Variants in ARRDC5 observed in about 807,000 individuals in gnomAD.
The protein encoded by ARRDC5 is arrestin domain containing 5.
In ARRDC5, 12 loss-of-function variants were observed where a neutral mutation model predicts 13.3. That is an observed-to-expected ratio of 0.90 (90% CI 0.58 to 1.46). The LOEUF (loss-of-function observed/expected upper bound fraction) is 1.46. Ranked by LOEUF, ARRDC5 falls within the 40% of genes most tolerant of loss-of-function variation. The probability of loss-of-function intolerance (pLI) is 0.00; values close to 1 mark genes in which losing one functional copy is unlikely to be tolerated. For synonymous variants in ARRDC5, 181 were observed against 173.4 expected (o/e 1.04, Z -0.34); for missense variants, 406 against 418.7 (o/e 0.97, Z 0.26).
intron 2 of ARRDC5, among the ~76,000 whole-genome samples, chr19:4,893,291 A>C (rs1469802735): frequency 7.1e-6 from 1 of 140,952 alleles, no homozygotes; most frequent in Non-Finnish European, 1.5e-5. Context: ...GGATCACCTG[A>C]GGTCAGGAAT....
chr19:4,901,038 G>C (rs1249681271), intron 1 of ARRDC5, among the ~76,000 whole-genome samples: 1 of 151,230 alleles, frequency 6.6e-6, no homozygotes, highest in Non-Finnish European at 1.5e-5. Flanking sequence ...AAAATTGCTA[G>C]TTCTTTTTTT....
chr19:4,893,662 G>C (rs12980909), intron 2 of ARRDC5, among the ~76,000 whole-genome samples: 41,631 of 147,284 alleles, frequency 0.28, 6,664 homozygotes, highest in Middle Eastern at 0.46. Context: ...GAGGCCAAGG[G>C]GGGAGGATCA....
rs200737679 is a variant in ARRDC5 at position 4,895,520 on chromosome 19, A to G, written c.459+1151T>C. Among the ~76,000 whole-genome samples, 8 of 151,924 alleles carry G rather than the reference A, an allele frequency of 5.3e-5. No homozygotes were observed. The East Asian group carries it at 1.5e-3, about 29-fold the overall frequency. On this transcript the variant is annotated intron_variant, in intron 2 of 2. Coordinates refer to ENST00000650722, the MANE Select transcript of ARRDC5 (RefSeq NM_001080523.3). ...TCCTGTCCCAATGCTCTGATGACAA[A>G]TGACTCCCTGGAGATGTGAAGTGAC...
chr19:4,912,412 G>A, the ARRDC5 span, among the ~76,000 whole-genome samples: 5 of 152,154 alleles, frequency 3.3e-5, no homozygotes, highest in African/African-American at 7.2e-5. Flanking sequence ...AGTTCACAGC[G>A]TAGGTCAGTG....
chr19:4,900,242 G>A (rs1281945800), intron 1 of ARRDC5, among the ~76,000 whole-genome samples: 1 of 150,012 alleles, frequency 6.7e-6, no homozygotes, highest in Non-Finnish European at 1.5e-5. Context: ...CCGCCTCCCG[G>A]GTTCACGCCA....
chr19:4,916,183 G>C, the ARRDC5 span, among the ~76,000 whole-genome samples: 1 of 152,070 alleles, frequency 6.6e-6, no homozygotes, highest in Admixed American at 6.6e-5. Context: ...GCGCATGCCT[G>C]TAGTCCTAGC....
chr19:4,909,553 G>A, the ARRDC5 span: 2 of 658,888 alleles, frequency 3.0e-6, no homozygotes, highest in East Asian at 3.2e-5. Flanking sequence ...GCTCCGGGTC[G>A]CACGCAAGTC....
upstream of ARRDC5, among the ~76,000 whole-genome samples, chr19:4,904,401 A>G (rs2602716): frequency 0.85 from 128,857 of 151,948 alleles, 55,168 homozygotes; most frequent in East Asian, 0.98. Flanking sequence ...GGATGGTCTC[A>G]ATCTCCTGAC....
chr19:4,909,826 C>T, the ARRDC5 span: 1 of 415,440 alleles, frequency 2.4e-6, no homozygotes, highest in Non-Finnish European at 4.2e-6. Flanking sequence ...CCCCGGCACA[C>T]ATCCGGCTGG....
chr19:4,909,279 G>C, the ARRDC5 span: 1 of 530,166 alleles, frequency 1.9e-6, no homozygotes, highest in Non-Finnish European at 3.3e-6. Flanking sequence ...GCCCTGCCAC[G>C]CAGCCCCTTT....
the ARRDC5 span, among the ~76,000 whole-genome samples, chr19:4,913,872 C>T: frequency 2.7e-4 from 35 of 129,118 alleles, 1 homozygote; most frequent in African/African-American, 9.3e-4. Flanking sequence ...AGTGCAATTG[C>T]GTGATCTCGG....
chr19:4,909,549 G>T, the ARRDC5 span: 36 of 659,456 alleles, frequency 5.5e-5, no homozygotes, highest in African/African-American at 4.9e-4. Flanking sequence ...GGGCGCTCCG[G>T]GTCGCACGCA....
rs1279164041 is a variant in ARRDC5 at position 4,891,287 on chromosome 19, T to G, written c.746A>C (p.Asn249Thr). The G allele has an allele frequency of 2.5e-6, 4 of 1,613,900 alleles. No individual in the cohort carries two copies. The highest frequency in any genetic ancestry group is 1.6e-4 in the Middle Eastern group (1 of 6,062). Residue 249 changes from asparagine to threonine, a missense_variant, in exon 3 of 3, where the codon AAC becomes ACC. Transcript: ENST00000650722. ...GAAGGTGCTGACAACCTTGGTGGTG[T>G]TGAAGCGGGTCACGGGGGTGTTGGC... The part of the protein sequence containing the change: ...QEANTPVTRF[N>T]TTKVVSTFNL...
the ARRDC5 span, chr19:4,910,661 A>G: frequency 1.2e-5 from 5 of 425,260 alleles, no homozygotes; most frequent in East Asian, 7.1e-5. Context: ...TTCCTCCTCA[A>G]TCTTCAACAC....
intron 2 of ARRDC5, among the ~76,000 whole-genome samples, chr19:4,896,329 A>T (rs7247230): frequency 0.34 from 25,000 of 72,698 alleles, 4,370 homozygotes; most frequent in East Asian, 0.59. Flanking sequence ...AAAAAAAAAA[A>T]ATATATATAT....
chr19:4,909,624 A>C, the ARRDC5 span: 1 of 611,280 alleles, frequency 1.6e-6, no homozygotes, highest in Non-Finnish European at 2.9e-6. Context: ...CCACGCGCGC[A>C]GGCAGACAAG....
intron 1 of ARRDC5, among the ~76,000 whole-genome samples, chr19:4,898,547 A>C (rs1195066870): frequency 6.6e-6 from 1 of 151,990 alleles, no homozygotes; most frequent in Non-Finnish European, 1.5e-5. Flanking sequence ...TTTTTAGTAG[A>C]GATGGGGTTT....
the ARRDC5 span, among the ~76,000 whole-genome samples, chr19:4,909,050 G>A: frequency 6.6e-6 from 1 of 152,194 alleles, no homozygotes; most frequent in Non-Finnish European, 1.5e-5. Flanking sequence ...AGGCAGTGGG[G>A]CTTGGGGCGA....
the ARRDC5 span, chr19:4,909,084 G>A: frequency 5.8e-6 from 1 of 171,120 alleles, no homozygotes; most frequent in South Asian, 1.4e-4. Flanking sequence ...CAGGGTGCAG[G>A]TGGTCTCCTA....
Sources: gnomAD v4.1 joint callset for allele counts (sites outside exome capture counted in the v4.1 genomes callset) on GRCh38, gnomAD v4.1.1 for gene constraint, MANE v1.5 for transcripts, NCBI Gene and HGNC (gene_info 2026-07-23, HGNC 2026-07-21) for gene names.